The following KIAA0319L variants were observed in gnomAD, a reference collection of about 807,000 sequenced individuals.
KIAA0319L encodes the protein KIAA0319 like.
KIAA0319L carries 55 observed loss-of-function variants against 120.1 expected under a neutral mutation model. That is an observed-to-expected ratio of 0.46 (90% CI 0.37 to 0.57). The LOEUF (loss-of-function observed/expected upper bound fraction) is 0.57. Among genes scored for constraint, KIAA0319L ranks in the 20% least tolerant of loss-of-function variants. The probability of loss-of-function intolerance (pLI) is 0.00; values close to 1 mark genes in which losing one functional copy is unlikely to be tolerated. For missense variants in KIAA0319L, 1,049 were observed against 1,255.3 expected (o/e 0.84, Z 2.48); for synonymous variants, 398 against 471.9 (o/e 0.84, Z 2.03).
At chr1:35,518,782 T>C (rs1347010315) in intron 2 of KIAA0319L, among the ~76,000 whole-genome samples, 2 of 152,040 alleles carry the variant, frequency 1.3e-5, no homozygotes, top group African/African-American at 4.8e-5. Context: ...GGCAGGTGGA[T>C]TACTTGAGGT....
At chr1:35,485,792 GTTAT>G (rs572534649) in intron 3 of KIAA0319L, among the ~76,000 whole-genome samples, 138 of 152,254 alleles carry the variant, frequency 9.1e-4, no homozygotes, top group Middle Eastern at 3.4e-3. Flanking sequence ...ATTTGCTAGT[GTTAT>G]TTATTTATTT....
intron 2 of KIAA0319L, among the ~76,000 whole-genome samples, chr1:35,545,418 T>C (rs138793828): frequency 1.3e-5 from 2 of 152,148 alleles, no homozygotes; most frequent in Non-Finnish European, 2.9e-5. Flanking sequence ...GGTATAATCA[T>C]AGAGAGATGC....
chr1:35,474,113 A>G (rs1174399700), intron 5 of KIAA0319L, among the ~76,000 whole-genome samples: 3 of 152,206 alleles, frequency 2.0e-5, no homozygotes, highest in African/African-American at 7.2e-5. Flanking sequence ...CAGGGTTCTC[A>G]CTATGGGAAA....
At chr1:35,521,275 G>A (rs1454193263) in intron 2 of KIAA0319L, among the ~76,000 whole-genome samples, 1 of 152,076 alleles carries the variant, frequency 6.6e-6, no homozygotes, top group Non-Finnish European at 1.5e-5. Flanking sequence ...GAAGACGGAG[G>A]TTGCAGTGAG....
At chr1:35,511,058 A>G (rs1251748566) in intron 2 of KIAA0319L, 2 of 152,302 alleles carry the variant, frequency 1.3e-5, no homozygotes, top group Non-Finnish European at 2.9e-5. Flanking sequence ...GACTCTTATT[A>G]GTCATCAAAG....
chr1:35,479,256 A>G (rs374351732), intron 3 of KIAA0319L, 44 bp from the exon 4 acceptor site: 61 of 1,535,132 alleles, frequency 4.0e-5, no homozygotes, highest in Non-Finnish European at 5.4e-6. Context: ...AAAGTTACAT[A>G]ATTTTTCAGG....
intron 3 of KIAA0319L, among the ~76,000 whole-genome samples, chr1:35,490,042 C>G (rs1644535373): frequency 6.6e-6 from 1 of 152,142 alleles, no homozygotes; most frequent in South Asian, 2.1e-4. Context: ...CTCACTGCAG[C>G]CTCGACCTCC....
Position 35,453,398 on chromosome 1 carries a change from A to AT in KIAA0319L, c.1913+158dup, listed in dbSNP as rs540357889. 9.5e-4 allele frequency among the ~76,000 whole-genome samples: 144 copies of AT among 152,250 alleles called. No individual in the cohort carries two copies. Among genetic ancestry groups the AT allele is most frequent in the Middle Eastern group, 3.4e-3 (1 of 294 alleles). ...TTACAAAAATTATGATTATAATATC[A>AT]TTTTCTTGGAGTTGAAGTTTGGAAT... On this transcript the variant is annotated intron_variant, in intron 12 of 20. Transcript: ENST00000325722. This position sits in a 1 kb window ranked among gnomAD's most constrained non-coding sequence, Gnocchi z 4.1.
At chr1:35,541,088 C>T (rs1646768992) in intron 2 of KIAA0319L, among the ~76,000 whole-genome samples, 1 of 151,946 alleles carries the variant, frequency 6.6e-6, no homozygotes, top group Non-Finnish European at 1.5e-5. Context: ...ACCACAGATG[C>T]ACACTATCAA....
In KIAA0319L at chr1:35,441,038, G is replaced by T; in HGVS notation, c.2962+9C>A. 4 of 1,611,694 alleles carry T rather than the reference G, an allele frequency of 2.5e-6. No homozygotes were observed. Among genetic ancestry groups the T allele is most frequent in the Non-Finnish European group, 3.4e-6 (4 of 1,177,758 alleles). On this transcript the variant is annotated intron_variant, in intron 20 of 20. Coordinates refer to ENST00000325722, the MANE Select transcript of KIAA0319L (RefSeq NM_024874.5). ...CAGACCTAGAAGCTCTGGCACCCAG[G>T]GCCCCTACCTGCTCGGGAGGTTGGC... is the stretch of plus-strand genomic sequence containing the variant.
chr1:35,459,281 A>G (rs1045869649), intron 9 of KIAA0319L, among the ~76,000 whole-genome samples: 6 of 152,300 alleles, frequency 3.9e-5, no homozygotes, highest in African/African-American at 1.4e-4. Flanking sequence ...CAAGGAGTGA[A>G]GTGGAATGAA....
intron 10 of KIAA0319L, 167 bp from the exon 11 acceptor site, chr1:35,454,652 G>A (rs1642313473): frequency 8.5e-6 from 12 of 1,406,140 alleles, no homozygotes; most frequent in South Asian, 3.2e-5. Context: ...CAGATATCAT[G>A]AGGCACCTTG....
chr1:35,546,013 G>A (rs1275967262), intron 2 of KIAA0319L, among the ~76,000 whole-genome samples: 3 of 152,178 alleles, frequency 2.0e-5, no homozygotes, highest in Admixed American at 6.5e-5. Context: ...GTTCAGTTTT[G>A]CGATACTAAG....
At chr1:35,499,988 A>G (rs921744260) in intron 3 of KIAA0319L, among the ~76,000 whole-genome samples, 1 of 152,148 alleles carries the variant, frequency 6.6e-6, no homozygotes, top group African/African-American at 2.4e-5. Flanking sequence ...AAGGCAGCAG[A>G]TGGCTATCTG....
At chr1:35,499,214 G>T (rs991664218) in intron 3 of KIAA0319L, among the ~76,000 whole-genome samples, 1 of 152,148 alleles carries the variant, frequency 6.6e-6, no homozygotes, top group East Asian at 1.9e-4. Context: ...CTCTTGCTTC[G>T]TAGGTGCTAC....
intron 2 of KIAA0319L, among the ~76,000 whole-genome samples, chr1:35,546,591 T>A (rs1646991634): frequency 6.6e-6 from 1 of 152,216 alleles, no homozygotes; most frequent in Non-Finnish European, 1.5e-5. Context: ...CCTGCCTCAA[T>A]AAATATTTAT....
intron 3 of KIAA0319L, among the ~76,000 whole-genome samples, chr1:35,495,454 A>G (rs1644764588): frequency 6.6e-6 from 1 of 152,194 alleles, no homozygotes; most frequent in African/African-American, 2.4e-5. Flanking sequence ...AACACAATCC[A>G]TAATAGAAAT....
chr1:35,456,160 A>T lies in KIAA0319L; in HGVS notation c.1509T>A (p.Pro503=), dbSNP rs756809437. The T allele has an allele frequency of 6.2e-7, 1 of 1,613,768 alleles. No individual in the cohort carries two copies. Residue 503 remains proline, a synonymous_variant, in exon 10 of 21, where the codon CCT becomes CCA. Coordinates refer to ENST00000325722, the MANE Select transcript of KIAA0319L (RefSeq NM_024874.5). ...CTTGGTTGGGGCCTGCGTTGGCCACAGGGGGGTAATCCACAGCTTTGTTCA... is the reference window on the plus strand; with the variant it reads ...CTTGGTTGGGGCCTGCGTTGGCCACTGGGGGGTAATCCACAGCTTTGTTCA... ...LTVNKAVDYP[P]VANAGPNQVI... is the part of the protein sequence containing the mutation.
intron 16 of KIAA0319L, among the ~76,000 whole-genome samples, chr1:35,445,811 T>A (rs1319663522): frequency 6.6e-6 from 1 of 152,170 alleles, no homozygotes; most frequent in Non-Finnish European, 1.5e-5. Context: ...CTTAACTAAG[T>A]CAATCCAGTA....
Sources: allele counts gnomAD v4.1 joint callset (sites outside exome capture counted in the v4.1 genomes callset), GRCh38; gene constraint gnomAD v4.1.1; non-coding constraint Gnocchi (gnomAD v3.1); transcripts MANE v1.5; gene names NCBI Gene and HGNC (gene_info 2026-07-23, HGNC 2026-07-21).